The following CEP170B variants were observed in gnomAD, a reference collection of about 807,000 sequenced individuals.
CEP170B encodes the protein centrosomal protein 170B, also known as centrosomal protein of 170 kDa protein B.
Under a neutral mutation model 120.6 loss-of-function variants are expected in CEP170B, and 55 were observed. The observed-to-expected ratio is 0.46, with a 90% CI of 0.37 to 0.57. The LOEUF (loss-of-function observed/expected upper bound fraction) is 0.57, where lower values mean the gene tolerates loss of function less well. Ranked by LOEUF, CEP170B falls within the 20% of genes least tolerant of loss-of-function variation. The probability of loss-of-function intolerance (pLI) is 0.00; values close to 1 mark genes in which losing one functional copy is unlikely to be tolerated. For missense variants in CEP170B, 2,212 were observed against 2,253.3 expected, an observed-to-expected ratio of 0.98 and a Z score of 0.37; for synonymous variants, 1,033 against 954.5, an observed-to-expected ratio of 1.08 and a Z score of -1.52.
chr14:104,886,909 G>T lies in CEP170B; in HGVS notation c.2670G>T (p.Pro890=), dbSNP rs571094360. 1.2e-5 allele frequency: 20 copies of T among 1,610,106 alleles called. No individual in the cohort carries two copies. The South Asian group carries it at 1.5e-4, about 12-fold the overall frequency. The change falls in exon 12 of 19, where the codon CCG becomes CCT. Residue 890 remains proline (P), a synonymous_variant. Coordinates refer to ENST00000414716, the MANE Select transcript of CEP170B (RefSeq NM_001112726.3). ...PGKPPHISSH[P]LLQDLAATRA... ...AGCCCCCCCACATCTCCAGCCACCC[G>T]CTTCTACAGGACCTGGCCGCTACCC...
Position 104,883,232 on chromosome 14 carries a change from G to A in CEP170B, c.775G>A (p.Ala259Thr), listed in dbSNP as rs1245740330. 1.2e-6 allele frequency: 2 copies of A among 1,611,088 alleles called. No individual in the cohort carries two copies. Among genetic ancestry groups the A allele is most frequent in the Non-Finnish European group, 1.7e-6 (2 of 1,179,492 alleles). The stretch of plus-strand genomic sequence containing the variant: ...GGATGCAGAGGCAGGTGGGGGCGGA[G>A]CGGCCCCTGTGGTGCAGAGCCACGC... The part of the protein sequence containing the change: ...TKDAEAGGGG[A>T]APVVQSHASF... The change falls in exon 8 of 19, where the codon GCG becomes ACG. Residue 259 changes from alanine to threonine, a missense_variant. By Grantham distance (58) the Ala-to-Thr change is moderately conservative. Around this residue, in one of 2 missense-constraint regions of CEP170B, gnomAD observed 2,166 missense variants for 2,166.7 expected, o/e 1.00. Transcript: ENST00000414716.
At chr14:104,894,110 G>A in intron 16 of CEP170B, 175 bp from the exon 17 acceptor site, 1 of 665,720 alleles carries the variant, frequency 1.5e-6, no homozygotes, top group South Asian at 1.8e-5. Context: ...ACCGCCGAGT[G>A]TCAGGCACAG....
At position 104,892,875 on chromosome 14, in the gene CEP170B, CA is replaced by C. The variant is rs892053255; in HGVS notation, c.3879-100del. On this transcript the variant is annotated intron_variant, in intron 13 of 18. Transcript: ENST00000414716. Reference sequence around the variant, plus strand: ...ACCTCCCCCAGGCCCCACCTCTGGCCAGCAGCTGCCTGGGAGCTGGGAGGGG... The same window carrying C: ...ACCTCCCCCAGGCCCCACCTCTGGCCGCAGCTGCCTGGGAGCTGGGAGGGG... 6 of 1,341,572 alleles carry C rather than the reference CA, an allele frequency of 4.5e-6. No individual in the cohort carries two copies. The African/African-American group carries it at 8.7e-5, about 19-fold the overall frequency. 83.1% of individuals were successfully genotyped at this position (1,341,572 alleles called of 1,614,324 possible).
intron 2 of CEP170B, among the ~76,000 whole-genome samples, chr14:104,872,413 CGTGGGT>C: frequency 2.8e-5 from 1 of 36,030 alleles, no homozygotes; most frequent in Non-Finnish European, 8.6e-5. Context: ...GTGGGTGTGC[CGTGGGT>C]GTGCCGTGCG....
At chr14:104,874,841 C>T (rs961469831) in intron 2 of CEP170B, among the ~76,000 whole-genome samples, 3 of 152,090 alleles carry the variant, frequency 2.0e-5, no homozygotes, top group Non-Finnish European at 4.4e-5. Flanking sequence ...GTGGCACTAG[C>T]GTGAGGCTGG....
At chr14:104,877,826 G>GCC in intron 3 of CEP170B, 59 bp from the exon 4 acceptor site, 4 of 534,416 alleles carry the variant, frequency 7.5e-6, no homozygotes, top group South Asian at 3.0e-5. Context: ...CTGCGGCCCT[G>GCC]CCCACAGCCA....
Position 104,891,033 on chromosome 14 carries a change from G to A in CEP170B, c.3878+1275G>A, listed in dbSNP as rs1175492924. Among the ~76,000 whole-genome samples the A allele has an allele frequency of 6.7e-6, 1 of 149,938 alleles. No homozygotes were observed. On this transcript the variant is annotated intron_variant, in intron 13 of 18. Transcript: ENST00000414716. The surrounding 1 kb of genome is among the most constrained non-coding windows in gnomAD (Gnocchi z 4.3). Reference sequence around the variant, plus strand: ...TGGATGAGTGGGTGGGTGGATGGATGGATGGATGGATGGATGAGTGGGTGG... The same window carrying A: ...TGGATGAGTGGGTGGGTGGATGGATAGATGGATGGATGGATGAGTGGGTGG...
At chr14:104,880,686 C>T (rs375609808) in intron 6 of CEP170B, among the ~76,000 whole-genome samples, 7 of 151,432 alleles carry the variant, frequency 4.6e-5, no homozygotes, top group African/African-American at 9.7e-5. Flanking sequence ...TACACACCTA[C>T]CCATGCATGC....
chr14:104,893,253 C>A, intron 14 of CEP170B, 118 bp downstream of exon 14: 1 of 1,247,974 alleles, frequency 8.0e-7, no homozygotes. Flanking sequence ...CCCCACTTGG[C>A]GAGCTGGAAC....
chr14:104,888,338 G>A (rs894404737), intron 12 of CEP170B, among the ~76,000 whole-genome samples: 5 of 152,232 alleles, frequency 3.3e-5, no homozygotes, highest in Admixed American at 6.5e-5. Context: ...CACGCCATCT[G>A]CCCATGGGCC....
intron 12 of CEP170B, 173 bp from the exon 13 acceptor site, chr14:104,889,447 G>A (rs1417945124): frequency 6.8e-7 from 1 of 1,474,770 alleles, no homozygotes; most frequent in East Asian, 2.5e-5. Context: ...AGGGACCCTG[G>A]GACTGCCACA....
chr14:104,884,618 A>G lies in CEP170B; in HGVS notation c.1770+69A>G, dbSNP rs1237573246. On this transcript the variant is annotated intron_variant, in intron 9 of 18. Transcript: ENST00000414716. ...GGTGGAGGCGATGCCGGGGGTGGCG[A>G]GTGAGAGCCCTCGTGGGGAACGGGG... is the stretch of plus-strand genomic sequence containing the variant. 257 of 1,345,662 alleles carry G rather than the reference A, an allele frequency of 1.9e-4. No homozygotes were observed. In the African/African-American group the frequency reaches 4.3e-3, roughly 23 times the overall value. 83.4% of individuals were successfully genotyped at this position (1,345,662 alleles called of 1,614,324 possible). A position where few individuals can be genotyped will look rare whatever the true frequency, so the allele number is the denominator to read the frequency against.
intron 2 of CEP170B, among the ~76,000 whole-genome samples, chr14:104,872,119 TGC>T (rs1491278827): frequency 9.2e-5 from 14 of 151,674 alleles, no homozygotes; most frequent in South Asian, 4.2e-4. Flanking sequence ...TGTGCGTGTG[TGC>T]GTCGTGTGTG....
rs1197908670 is a variant in CEP170B at position 104,870,665 on chromosome 14, A to G, written c.105+2110A>G. Among the ~76,000 whole-genome samples the G allele has an allele frequency of 1.3e-5, 2 of 152,146 alleles. No individual in the cohort carries two copies. Among genetic ancestry groups the G allele is most frequent in the African/African-American group, 4.8e-5 (2 of 41,430 alleles). On this transcript the variant is annotated intron_variant, in intron 2 of 18. Coordinates refer to ENST00000414716, the MANE Select transcript of CEP170B (RefSeq NM_001112726.3). The surrounding 1 kb of genome is among the most constrained non-coding windows in gnomAD (Gnocchi z 4.1). The stretch of plus-strand genomic sequence containing the variant: ...GAAAAGTGCTGGGGGCAGGGTGCTC[A>G]GGGTGAGTTTGGGGTCCGATTCCGA...
At chr14:104,882,238 T>C (rs922075365) in intron 6 of CEP170B, among the ~76,000 whole-genome samples, 1 of 152,192 alleles carries the variant, frequency 6.6e-6, no homozygotes, top group Non-Finnish European at 1.5e-5. Context: ...TAGATTGCAG[T>C]GGCTGCCCAC....
intron 12 of CEP170B, 26 bp downstream of exon 12, chr14:104,888,004 CAG>C (rs762902082): frequency 2.0e-6 from 3 of 1,464,196 alleles, no homozygotes; most frequent in Non-Finnish European, 1.8e-6. Context: ...GGTGGGAGGC[CAG>C]GGCCAAGACA....
At chr14:104,869,306 C>T (rs888646471) in intron 2 of CEP170B, among the ~76,000 whole-genome samples, 1 of 152,218 alleles carries the variant, frequency 6.6e-6, no homozygotes, top group African/African-American at 2.4e-5. Context: ...GGCCCCTGAC[C>T]CAGGTGGATG....
rs758852847 is a variant in CEP170B, at chr14:104,883,438, C to G, written c.981C>G (p.His327Gln). Residue 327 changes from histidine to glutamine, a missense_variant, in exon 8 of 19, where the codon CAC becomes CAG. Physicochemically the swap from His to Gln is conservative, Grantham distance 24. Coordinates refer to ENST00000414716, the MANE Select transcript of CEP170B (RefSeq NM_001112726.3). ...WLVQNDPSLLHRVGPGDDRHS... is the reference protein window; with the variant it reads ...WLVQNDPSLLQRVGPGDDRHS... ...TGCAGAATGACCCGAGCCTGCTGCA[C>G]CGGGTTGGCCCTGGGGATGACCGCC... The G allele has an allele frequency of 2.6e-5, 40 of 1,564,714 alleles. No homozygotes were observed. The highest frequency in any genetic ancestry group is 4.8e-5 in the East Asian group (2 of 41,776).
intron 2 of CEP170B, among the ~76,000 whole-genome samples, chr14:104,872,312 T>TGTGTGCCGTGG (rs1895565559): frequency 6.9e-5 from 5 of 72,186 alleles, no homozygotes; most frequent in South Asian, 5.0e-4. Flanking sequence ...TGGGTGTGCG[T>TGTGTGCCGTGG]GTGTGCCGTG....
Sources: gnomAD v4.1 joint callset for allele counts (sites outside exome capture counted in the v4.1 genomes callset) on GRCh38, gnomAD v4.1.1 for gene constraint, gnomAD v4.1.1 regional missense constraint, Gnocchi (gnomAD v3.1) non-coding constraint, MANE v1.5 for transcripts, NCBI Gene and HGNC (gene_info 2026-07-23, HGNC 2026-07-21) for gene names.